PRKAG2: variants seen among roughly 807,000 people sequenced by gnomAD.
The protein encoded by PRKAG2 is protein kinase AMP-activated non-catalytic subunit gamma 2.
PRKAG2 carries 26 observed loss-of-function variants against 69.6 expected under a neutral mutation model. The observed-to-expected ratio is 0.37, with a 90% CI of 0.27 to 0.52. The LOEUF (loss-of-function observed/expected upper bound fraction) is 0.52, where lower values mean the gene tolerates loss of function less well. PRKAG2 is among the 20% of genes least tolerant of loss of function. The probability of loss-of-function intolerance (pLI) is 0.90; values close to 1 mark genes in which losing one functional copy is unlikely to be tolerated. For missense variants in PRKAG2, 557 were observed against 740.0 expected, an observed-to-expected ratio of 0.75 and a Z score of 2.87; for synonymous variants, 293 against 285.0, an observed-to-expected ratio of 1.03 and a Z score of -0.28.
intron 1 of PRKAG2, among the ~76,000 whole-genome samples, chr7:151,826,564 C>G (rs2078909215): frequency 6.6e-6 from 1 of 152,154 alleles, no homozygotes; most frequent in East Asian, 1.9e-4. Flanking sequence ...TTCCCTTCCT[C>G]TCTCTTTCCT....
At chr7:151,665,638 C>G (rs1371205045) in intron 4 of PRKAG2, among the ~76,000 whole-genome samples, 3 of 152,144 alleles carry the variant, frequency 2.0e-5, no homozygotes, top group Admixed American at 2.0e-4. Flanking sequence ...ACTCCTTGAC[C>G]CAATGTGAAA....
intron 1 of PRKAG2, among the ~76,000 whole-genome samples, chr7:151,801,145 G>A (rs2077814856): frequency 6.6e-6 from 1 of 152,194 alleles, no homozygotes; most frequent in African/African-American, 2.4e-5. Flanking sequence ...GGAGGTCATA[G>A]GTTCCCCAGG....
At chr7:151,872,490 A>AGGGAAT (rs1354140710) in intron 1 of PRKAG2, among the ~76,000 whole-genome samples, 1 of 152,230 alleles carries the variant, frequency 6.6e-6, no homozygotes, top group Admixed American at 6.5e-5. Context: ...AGTGCAGACA[A>AGGGAAT]GGGAATGGGG....
chr7:151,588,756 A>G (rs528887125), intron 6 of PRKAG2, among the ~76,000 whole-genome samples: 1 of 152,208 alleles, frequency 6.6e-6, no homozygotes, highest in East Asian at 1.9e-4. Flanking sequence ...GCCTTCCACC[A>G]TGATTGTGAG....
At chr7:151,643,073 T>C (rs1186575784) in intron 4 of PRKAG2, among the ~76,000 whole-genome samples, 2 of 152,272 alleles carry the variant, frequency 1.3e-5, no homozygotes, top group Non-Finnish European at 2.9e-5. Flanking sequence ...CGTTACAGTC[T>C]GAAATGCATA....
At chr7:151,718,177 G>A (rs914155107) in intron 3 of PRKAG2, among the ~76,000 whole-genome samples, 4 of 152,110 alleles carry the variant, frequency 2.6e-5, no homozygotes, top group Admixed American at 2.0e-4. Context: ...TTACGGTTCT[G>A]GGGGCTGGAA....
chr7:151,567,750 A>C lies in PRKAG2; in HGVS notation c.1233+966T>G, dbSNP rs1256478569. On this transcript the variant is annotated intron_variant, in intron 11 of 15. Coordinates refer to ENST00000287878, the MANE Select transcript of PRKAG2 (RefSeq NM_016203.4). This position sits in a 1 kb window ranked among gnomAD's most constrained non-coding sequence, Gnocchi z 4.2. ...ATTTATATATGTAAATGATTAAAAT[A>C]CAAGACTGGGTTGATTGACAAGGTA... Among the ~76,000 whole-genome samples the C allele has an allele frequency of 6.6e-6, 1 of 152,240 alleles. No homozygotes were observed. Among genetic ancestry groups the C allele is most frequent in the African/African-American group, 2.4e-5 (1 of 41,464 alleles).
chr7:151,624,388 T>A lies in PRKAG2; in HGVS notation c.754+7681A>T, dbSNP rs115734522. On this transcript the variant is annotated intron_variant, in intron 5 of 15. Coordinates refer to ENST00000287878, the MANE Select transcript of PRKAG2 (RefSeq NM_016203.4). ...CCGATCTCGAACTCCTGGACTCAAA[T>A]GATCCATCCACCTTGGCCTCCCAAA... Among the ~76,000 whole-genome samples the A allele has an allele frequency of 8.9e-3, 1,350 of 152,120 alleles. 22 individuals carry two copies. Among genetic ancestry groups the A allele is most frequent in the African/African-American group, 0.03 (1,234 of 41,470 alleles).
At chr7:151,731,448 TC>T (rs1798907075) in intron 3 of PRKAG2, among the ~76,000 whole-genome samples, 1 of 152,164 alleles carries the variant, frequency 6.6e-6, no homozygotes, top group Non-Finnish European at 1.5e-5. Context: ...GGAAATGCCA[TC>T]CACCGCAATT....
At chr7:151,675,313 CACG>C (rs1266374674) in intron 4 of PRKAG2, 104 bp downstream of exon 4, 2 of 1,117,044 alleles carry the variant, frequency 1.8e-6, no homozygotes, top group Admixed American at 2.0e-5. Context: ...GTCGGGAGCA[CACG>C]ACCTCAGCCT....
rs527993651 is a variant in PRKAG2, at chr7:151,844,229, C to T, written c.114+32278G>A. On this transcript the variant is annotated intron_variant, in intron 1 of 15. Transcript: ENST00000287878. ...GAGACTGGTCACTCACTACTACAGACCACAGGCAGGCCAGTGCTCCCTCTG... is the reference window on the plus strand; with the variant it reads ...GAGACTGGTCACTCACTACTACAGATCACAGGCAGGCCAGTGCTCCCTCTG... Among the ~76,000 whole-genome samples the T allele has an allele frequency of 4.0e-3, 614 of 152,218 alleles. 3 individuals are homozygous for T. Among genetic ancestry groups the T allele is most frequent in the Non-Finnish European group, 6.0e-3 (407 of 68,020 alleles).
At chr7:151,607,138 T>C (rs1006521637) in intron 5 of PRKAG2, among the ~76,000 whole-genome samples, 5 of 152,260 alleles carry the variant, frequency 3.3e-5, no homozygotes, top group African/African-American at 1.2e-4. Flanking sequence ...TATATTAAAG[T>C]GTTTAATTCA....
intron 3 of PRKAG2, among the ~76,000 whole-genome samples, chr7:151,696,378 C>T (rs1213354007): frequency 3.9e-5 from 6 of 152,174 alleles, no homozygotes; most frequent in South Asian, 2.1e-4. Flanking sequence ...TCCGGGGCAG[C>T]GCAACGCCAC....
intron 4 of PRKAG2, among the ~76,000 whole-genome samples, chr7:151,674,153 A>G (rs1357729846): frequency 1.9e-4 from 29 of 152,102 alleles, no homozygotes; most frequent in Admixed American, 1.8e-3. Context: ...TTGTATTCTT[A>G]TAAGAAGGAA....
intron 2 of PRKAG2, among the ~76,000 whole-genome samples, chr7:151,782,214 C>T (rs1407570279): frequency 6.6e-6 from 1 of 151,634 alleles, no homozygotes; most frequent in African/African-American, 2.4e-5. Context: ...ACCCCGAAGG[C>T]GGAGGTTGCA....
chr7:151,573,323 A>C (rs796574579), intron 8 of PRKAG2, among the ~76,000 whole-genome samples: 25 of 137,464 alleles, frequency 1.8e-4, no homozygotes, highest in African/African-American at 5.9e-4. Context: ...TGCCTGGCTA[A>C]TTTTTGTGGG....
chr7:151,851,930 C>T (rs1399248720), intron 1 of PRKAG2, among the ~76,000 whole-genome samples: 1 of 152,180 alleles, frequency 6.6e-6, no homozygotes, highest in African/African-American at 2.4e-5. Flanking sequence ...TGAAGGGCTT[C>T]CCTCCACTCC....
chr7:151,634,047 A>G (rs57240667), intron 4 of PRKAG2, among the ~76,000 whole-genome samples: 19,073 of 152,234 alleles, frequency 0.13, 1,384 homozygotes, highest in African/African-American at 0.17. Context: ...CTCCTGCCTC[A>G]GCCTCCCAAG....
intron 4 of PRKAG2, among the ~76,000 whole-genome samples, chr7:151,672,615 T>C (rs1832243091): frequency 6.6e-6 from 1 of 151,998 alleles, no homozygotes; most frequent in Non-Finnish European, 1.5e-5. Context: ...CTCCTATAAG[T>C]GGCATTATGC....
Sources: gnomAD v4.1 joint callset for allele counts (sites outside exome capture counted in the v4.1 genomes callset) on GRCh38, gnomAD v4.1.1 for gene constraint, Gnocchi (gnomAD v3.1) non-coding constraint, MANE v1.5 for transcripts, NCBI Gene and HGNC (gene_info 2026-07-23, HGNC 2026-07-21) for gene names.